The following EEF1AKMT2 variants were observed in gnomAD, a reference collection of about 807,000 sequenced individuals.
EEF1AKMT2 encodes the protein eukaryotic translation elongation factor 1 alpha lysine methyltransferase 2.
Under a neutral mutation model 35.8 loss-of-function variants are expected in EEF1AKMT2, and 32 were observed. That is an observed-to-expected ratio of 0.89 (90% CI 0.67 to 1.20). The LOEUF (loss-of-function observed/expected upper bound fraction) is 1.20, where lower values mean the gene tolerates loss of function less well. Ranked by LOEUF, EEF1AKMT2 falls within the 50% of genes most tolerant of loss-of-function variation. The probability of loss-of-function intolerance (pLI) is 0.00; values close to 1 mark genes in which losing one functional copy is unlikely to be tolerated. For synonymous variants in EEF1AKMT2, 121 were observed against 133.7 expected, an observed-to-expected ratio of 0.91 and a Z score of 0.65; for missense variants, 330 against 347.5, an observed-to-expected ratio of 0.95 and a Z score of 0.40.
At position 124,758,892 on chromosome 10, in the gene EEF1AKMT2, T is replaced by C. The variant is rs2134116502; in HGVS notation, c.*1611A>G. 1 of 152,282 alleles carries C rather than the reference T, an allele frequency of 6.6e-6. No homozygotes were observed. Among genetic ancestry groups the C allele is most frequent in the South Asian group, 2.1e-4 (1 of 4,830 alleles). 9.4% of individuals were successfully genotyped at this position (152,282 alleles called of 1,614,324 possible). On this transcript the variant is annotated 3_prime_UTR_variant, in exon 7 of 7. Transcript: ENST00000368836. ...TTTCTCACTTTTTACATGTTGAAAA[T>C]AAAAGCTTTTCAAAAAATGTTATTT...
At chr10:124,782,084 C>A (rs1950544505) in intron 3 of EEF1AKMT2, among the ~76,000 whole-genome samples, 1 of 152,090 alleles carries the variant, frequency 6.6e-6, no homozygotes, top group Non-Finnish European at 1.5e-5. Flanking sequence ...TTAAAGCAAC[C>A]ACTAAAACAG....
chr10:124,757,865 A>T lies in EEF1AKMT2; in HGVS notation c.*2638T>A, dbSNP rs929056550. On this transcript the variant is annotated 3_prime_UTR_variant, in exon 7 of 7. Transcript: ENST00000368836. ...TTAAATGGCTTTAGTCAGGCTGCCA[A>T]GAGTGATATCAGGTTTGATTCTCAC... The T allele has an allele frequency of 2.0e-5, 3 of 152,210 alleles. No individual in the cohort carries two copies. Among genetic ancestry groups the T allele is most frequent in the Admixed American group, 2.0e-4 (3 of 15,284 alleles). The allele number at this position is 152,210 out of a possible 1,614,324, so 9.4% of individuals were successfully genotyped here.
chr10:124,770,538 C>A (rs1950422696), intron 4 of EEF1AKMT2, among the ~76,000 whole-genome samples: 1 of 152,178 alleles, frequency 6.6e-6, no homozygotes, highest in East Asian at 1.9e-4. Context: ...GCTGACTGAT[C>A]AAGGTATTGG....
At chr10:124,765,078 T>A (rs1950367295) in intron 5 of EEF1AKMT2, among the ~76,000 whole-genome samples, 1 of 152,158 alleles carries the variant, frequency 6.6e-6, no homozygotes, top group Non-Finnish European at 1.5e-5. Flanking sequence ...ATTTTTTGTA[T>A]TTTTAGCAGA....
intron 3 of EEF1AKMT2, among the ~76,000 whole-genome samples, chr10:124,776,790 T>G (rs1950491146): frequency 6.6e-6 from 1 of 151,074 alleles, no homozygotes; most frequent in African/African-American, 2.4e-5. Flanking sequence ...ACAAGACTCT[T>G]GTCTCAAAAA....
At chr10:124,779,511 C>T (rs1422791994) in intron 3 of EEF1AKMT2, among the ~76,000 whole-genome samples, 1 of 147,222 alleles carries the variant, frequency 6.8e-6, no homozygotes, top group African/African-American at 2.5e-5. Flanking sequence ...CTTTGGGAGG[C>T]CGAGGCGGGT....
intron 3 of EEF1AKMT2, among the ~76,000 whole-genome samples, chr10:124,788,802 G>C (rs1950611110): frequency 6.8e-6 from 1 of 146,168 alleles, no homozygotes; most frequent in Non-Finnish European, 1.5e-5. Context: ...AAGAACAGAA[G>C]CCTAGAAAAA....
At chr10:124,788,710 T>TTATATATATACATATATATATATATATA (rs1554920486) in intron 3 of EEF1AKMT2, among the ~76,000 whole-genome samples, 1 of 92,506 alleles carries the variant, frequency 1.1e-5, no homozygotes, top group Non-Finnish European at 2.4e-5. Context: ...AAGGTCATCT[T>TTATATATATACATATATATATATATATA]TATATATATA....
At chr10:124,770,810 T>C (rs1950426359) in intron 4 of EEF1AKMT2, among the ~76,000 whole-genome samples, 1 of 152,214 alleles carries the variant, frequency 6.6e-6, no homozygotes, top group Non-Finnish European at 1.5e-5. Flanking sequence ...AAGAAACCAC[T>C]TTCTCTGGTC....
At chr10:124,770,322 C>T (rs1950419943) in intron 4 of EEF1AKMT2, among the ~76,000 whole-genome samples, 1 of 152,106 alleles carries the variant, frequency 6.6e-6, no homozygotes, top group Admixed American at 6.5e-5. Flanking sequence ...GAGGCTGAGG[C>T]AGGACAATCA....
At chr10:124,764,581 C>G (rs1018945316) in intron 5 of EEF1AKMT2, among the ~76,000 whole-genome samples, 23 of 152,228 alleles carry the variant, frequency 1.5e-4, no homozygotes, top group African/African-American at 5.3e-4. Context: ...TGCCTCAGCA[C>G]TAGAATCTTC....
At chr10:124,773,190 T>C (rs934991046) in intron 4 of EEF1AKMT2, among the ~76,000 whole-genome samples, 3 of 152,176 alleles carry the variant, frequency 2.0e-5, no homozygotes, top group African/African-American at 7.2e-5. Flanking sequence ...GTTTATTTTT[T>C]ATCCTTGTTT....
intron 3 of EEF1AKMT2, among the ~76,000 whole-genome samples, chr10:124,781,532 G>A (rs1286398734): frequency 4.1e-5 from 6 of 147,060 alleles, no homozygotes; most frequent in Non-Finnish European, 6.0e-5. Flanking sequence ...GCAGTGAGCC[G>A]AGATTGTGAG....
At chr10:124,783,299 C>T (rs959843631) in intron 3 of EEF1AKMT2, among the ~76,000 whole-genome samples, 2 of 151,918 alleles carry the variant, frequency 1.3e-5, no homozygotes, top group Non-Finnish European at 2.9e-5. Flanking sequence ...AACACCACCA[C>T]GTCTGGCTAA....
intron 2 of EEF1AKMT2, among the ~76,000 whole-genome samples, chr10:124,789,501 T>G (rs937984510): frequency 6.6e-6 from 1 of 152,138 alleles, no homozygotes; most frequent in African/African-American, 2.4e-5. Context: ...CTCACACCCA[T>G]TCTCCCAACA....
At chr10:124,774,830 TTTTG>T (rs1950474866) in intron 3 of EEF1AKMT2, 48 bp from the exon 4 acceptor site, 1 of 919,184 alleles carries the variant, frequency 1.1e-6, no homozygotes, top group South Asian at 2.3e-5. Context: ...TAATATAATG[TTTTG>T]TTTATGAATT....
intron 3 of EEF1AKMT2, among the ~76,000 whole-genome samples, chr10:124,785,224 G>A (rs1391341014): frequency 7.4e-6 from 1 of 135,906 alleles, no homozygotes; most frequent in Non-Finnish European, 1.5e-5. Context: ...TCTAGCCTGG[G>A]TGACAGAGCA....
intron 3 of EEF1AKMT2, among the ~76,000 whole-genome samples, chr10:124,781,590 CAAAA>C (rs1322054340): frequency 4.0e-5 from 1 of 24,756 alleles, no homozygotes; most frequent in South Asian, 1.3e-3. Flanking sequence ...GACTGTGTCT[CAAAA>C]AAAAAAAAGA....
intron 3 of EEF1AKMT2, among the ~76,000 whole-genome samples, chr10:124,786,548 A>G (rs1236292299): frequency 1.3e-5 from 2 of 150,470 alleles, no homozygotes; most frequent in Admixed American, 1.3e-4. Flanking sequence ...AGTGGCTCAC[A>G]CCTATAATAC....
Sources: gnomAD v4.1 joint callset for allele counts (sites outside exome capture counted in the v4.1 genomes callset) on GRCh38, gnomAD v4.1.1 for gene constraint, MANE v1.5 for transcripts, NCBI Gene and HGNC (gene_info 2026-07-23, HGNC 2026-07-21) for gene names.